TDRD5: variants seen among roughly 807,000 people sequenced by gnomAD.
TDRD5 encodes the protein tudor domain-containing protein 5.
In TDRD5, 41 loss-of-function variants were observed where a neutral mutation model predicts 120.6. The ratio of observed to expected loss-of-function variants is 0.34; its 90% CI spans 0.26 to 0.44. The LOEUF is 0.44. Ranked by LOEUF, TDRD5 falls within the 20% of genes least tolerant of loss-of-function variation. TDRD5 has a pLI of 1.00. For synonymous variants in TDRD5, 430 were observed against 433.7 expected (o/e 0.99, Z 0.11); for missense variants, 1,006 against 1,221.2 (o/e 0.82, Z 2.63).
intron 11 of TDRD5, among the ~76,000 whole-genome samples, chr1:179,641,787 G>A (rs1174432464): frequency 6.6e-6 from 1 of 152,132 alleles, no homozygotes; most frequent in Non-Finnish European, 1.5e-5. Flanking sequence ...GATTCATAGT[G>A]TAATCTGTTA....
Position 179,592,780 on chromosome 1 carries a change from G to A in TDRD5, c.165G>A (p.Glu55=). Residue 55 remains glutamate (E), a synonymous_variant, in exon 2 of 18, where the codon GAG becomes GAA. Coordinates refer to ENST00000444136, the MANE Select transcript of TDRD5 (RefSeq NM_001199085.3). ...LRILGYRSTM[E]LVLDMPDVVR... ...TCCTTGGGTATCGGTCCACTATGGA[G>A]CTGGTATTGGACATGCCTGATGTTG... The A allele has an allele frequency of 6.2e-7, 1 of 1,614,222 alleles. No individual in the cohort carries two copies. Among genetic ancestry groups the A allele is most frequent in the South Asian group, 1.1e-5 (1 of 91,088 alleles).
At position 179,654,206 on chromosome 1, in the gene TDRD5, T is replaced by C; in HGVS notation, c.2166T>C (p.Asp722=). The change falls in exon 14 of 18, where the codon GAT becomes GAC. Residue 722 remains aspartate, a synonymous_variant. Transcript: ENST00000444136. ...SKESELRILQ[D]INDEKSLSHL... ...TTCTCTTTCATATCTACTAGCAAGA[T>C]ATTAATGATGAAAAGTCTTTAAGTC... is the stretch of plus-strand genomic sequence containing the variant. 1 of 1,532,648 alleles carries C rather than the reference T, an allele frequency of 6.5e-7. No homozygotes were observed. The highest frequency in any genetic ancestry group is 8.8e-7 in the Non-Finnish European group (1 of 1,138,620). 94.9% of individuals were successfully genotyped at this position (1,532,648 alleles called of 1,614,324 possible).
At chr1:179,609,266 T>G (rs1023998891) in intron 4 of TDRD5, among the ~76,000 whole-genome samples, 1 of 152,188 alleles carries the variant, frequency 6.6e-6, no homozygotes. Flanking sequence ...TGAGATATCT[T>G]GGAGATGGGA....
At chr1:179,627,543 T>C (rs573956017) in intron 6 of TDRD5, among the ~76,000 whole-genome samples, 1 of 152,306 alleles carries the variant, frequency 6.6e-6, no homozygotes, top group South Asian at 2.1e-4. Flanking sequence ...TAATTCAAAT[T>C]GTGTATACAA....
At position 179,618,627 on chromosome 1, in the gene TDRD5, C is replaced by A; in HGVS notation, c.860C>A (p.Ala287Glu). ...QLENTFKSVI[A>E]QIGPGGTISS... ...GAGAACACATTCAAATCAGTTATTG[C>A]ACAGATTGGACCTGGAGGAACTATC... Residue 287 changes from alanine (A) to glutamate (E), a missense_variant, in exon 5 of 18, where the codon GCA becomes GAA. By Grantham distance (107) the Ala-to-Glu change is moderately radical. Around this residue, in one of 3 missense-constraint regions of TDRD5, gnomAD observed 445 missense variants for 515.5 expected, o/e 0.86. Transcript: ENST00000444136. 6.3e-7 allele frequency: 1 copy of A among 1,595,690 alleles called. No homozygotes were observed. The highest frequency in any genetic ancestry group is 1.1e-5 in the South Asian group (1 of 87,058).
At chr1:179,659,094 A>G (rs1488313203) in intron 14 of TDRD5, among the ~76,000 whole-genome samples, 1 of 152,132 alleles carries the variant, frequency 6.6e-6, no homozygotes, top group Non-Finnish European at 1.5e-5. Flanking sequence ...TTTCCAGTAT[A>G]GTATGGTCTT....
chr1:179,667,810 A>T (rs1264788884), intron 16 of TDRD5, among the ~76,000 whole-genome samples: 2 of 152,196 alleles, frequency 1.3e-5, no homozygotes, highest in Non-Finnish European at 2.9e-5. Context: ...ACACACAGGC[A>T]TTTATATATT....
At chr1:179,625,210 G>T (rs1677059841) in intron 6 of TDRD5, among the ~76,000 whole-genome samples, 1 of 150,404 alleles carries the variant, frequency 6.6e-6, no homozygotes, top group Non-Finnish European at 1.5e-5. Flanking sequence ...AGACCTAAAT[G>T]AAAAAATTAA....
chr1:179,592,629 A>G lies in TDRD5; in HGVS notation c.14A>G (p.Glu5Gly). Residue 5 changes from glutamate (E) to glycine (G), a missense_variant, in exon 2 of 18, where the codon GAG (glutamate) becomes GGG (glycine). Glu to Gly is a moderately conservative substitution (Grantham distance 98). Around this residue, in one of 3 missense-constraint regions of TDRD5, gnomAD observed 445 missense variants for 515.5 expected, o/e 0.86. Transcript: ENST00000444136. MSEQ[E>G]RIQECLRKEI... The stretch of plus-strand genomic sequence containing the variant: ...CTGTAGGGCACAATGTCTGAACAAG[A>G]GCGTATACAGGAATGTCTGCGGAAG... The G allele has an allele frequency of 6.2e-7, 1 of 1,613,856 alleles. No individual in the cohort carries two copies. Among genetic ancestry groups the G allele is most frequent in the South Asian group, 1.1e-5 (1 of 91,068 alleles).
At chr1:179,689,663 G>C (rs187216913) in intron 17 of TDRD5, among the ~76,000 whole-genome samples, 1 of 152,200 alleles carries the variant, frequency 6.6e-6, no homozygotes, top group East Asian at 1.9e-4. Context: ...GGAGTCTACA[G>C]AGGCAGGCAG....
intron 14 of TDRD5, 33 bp downstream of exon 14, chr1:179,654,395 A>G: frequency 5.3e-6 from 8 of 1,500,954 alleles, no homozygotes; most frequent in Non-Finnish European, 7.1e-6. Flanking sequence ...TTGAATATGT[A>G]ATTAATATAA....
At chr1:179,666,945 C>T (rs2147772761) in intron 16 of TDRD5, among the ~76,000 whole-genome samples, 1 of 152,274 alleles carries the variant, frequency 6.6e-6, no homozygotes, top group East Asian at 1.9e-4. Flanking sequence ...TGGTGTATTT[C>T]CAAACAACTG....
intron 4 of TDRD5, 93 bp from the exon 5 acceptor site, chr1:179,618,506 T>G (rs1676674154): frequency 1.2e-6 from 1 of 812,678 alleles, no homozygotes; most frequent in Admixed American, 3.0e-5. Flanking sequence ...TGTCTCCTTT[T>G]ATAGATTTTT....
intron 17 of TDRD5, among the ~76,000 whole-genome samples, chr1:179,678,054 C>T (rs1191107798): frequency 6.6e-6 from 1 of 151,926 alleles, no homozygotes; most frequent in African/African-American, 2.4e-5. Flanking sequence ...TGAGCTTAGC[C>T]CCTCCTTGGG....
chr1:179,608,499 A>G (rs887224000), intron 4 of TDRD5, among the ~76,000 whole-genome samples: 4 of 151,976 alleles, frequency 2.6e-5, no homozygotes, highest in African/African-American at 7.2e-5. Context: ...TATAGTTTCA[A>G]TTGCTGTCTT....
chr1:179,660,045 A>G (rs903550221), intron 14 of TDRD5, among the ~76,000 whole-genome samples: 2 of 152,004 alleles, frequency 1.3e-5, no homozygotes, highest in South Asian at 2.1e-4. Context: ...TTTAATTAGT[A>G]TGGTTTGGAC....
At position 179,669,370 on chromosome 1, in the gene TDRD5, A is replaced by G; in HGVS notation, c.2826A>G (p.Ala942=). The G allele has an allele frequency of 1.9e-6, 3 of 1,614,224 alleles. No individual in the cohort carries two copies. The highest frequency in any genetic ancestry group is 1.1e-5 in the South Asian group (1 of 91,090). ...LSTAAPCSTT[A]VDDSAEKPSG... ...CAGCAGCACCCTGTTCAACAACTGC[A>G]GTGGATGATTCCGCAGAAAAGCCCT... The change falls in exon 17 of 18, where the codon GCA becomes GCG. Residue 942 remains alanine, a synonymous_variant. Coordinates refer to ENST00000444136, the MANE Select transcript of TDRD5 (RefSeq NM_001199085.3).
chr1:179,645,601 T>C (rs1362487795), intron 11 of TDRD5, among the ~76,000 whole-genome samples: 4 of 152,210 alleles, frequency 2.6e-5, no homozygotes, highest in African/African-American at 4.8e-5. Flanking sequence ...GTCCATAAGG[T>C]CAACTTTATT....
At chr1:179,655,166 TC>T (rs1215640957) in intron 14 of TDRD5, among the ~76,000 whole-genome samples, 1 of 152,224 alleles carries the variant, frequency 6.6e-6, no homozygotes, top group Non-Finnish European at 1.5e-5. Context: ...ATTTGTTATT[TC>T]CTGATTTTTC....
Sources: allele counts gnomAD v4.1 joint callset (sites outside exome capture counted in the v4.1 genomes callset), GRCh38; gene constraint gnomAD v4.1.1; regional missense constraint gnomAD v4.1.1; transcripts MANE v1.5; gene names NCBI Gene and HGNC (gene_info 2026-07-23, HGNC 2026-07-21).